FER: variants seen among roughly 807,000 people sequenced by gnomAD.
FER encodes FER tyrosine kinase, also known as tyrosine-protein kinase Fer.
A neutral mutation model predicts 111.0 loss-of-function variants in FER; 63 were observed. The ratio of observed to expected loss-of-function variants is 0.57; its 90% CI spans 0.46 to 0.70. FER has a LOEUF of 0.70. Among genes scored for constraint, FER ranks in the 30% least tolerant of loss-of-function variants. The probability of loss-of-function intolerance (pLI) is 0.00; values close to 1 mark genes in which losing one functional copy is unlikely to be tolerated. For synonymous variants in FER, 327 were observed against 313.9 expected (o/e 1.04, Z -0.44); for missense variants, 914 against 954.0 (o/e 0.96, Z 0.55).
intron 16 of FER, among the ~76,000 whole-genome samples, chr5:109,051,093 A>G (rs1189415978): frequency 6.6e-6 from 1 of 152,142 alleles, no homozygotes; most frequent in African/African-American, 2.4e-5. Flanking sequence ...TACTTTAAAT[A>G]CCAATATGCA....
intron 17 of FER, among the ~76,000 whole-genome samples, chr5:109,176,398 C>T (rs759010197): frequency 2.6e-5 from 4 of 151,958 alleles, no homozygotes; most frequent in East Asian, 1.9e-4. Flanking sequence ...ATAAATACTG[C>T]GTGTTCTCAC....
intron 4 of FER, among the ~76,000 whole-genome samples, chr5:108,834,720 T>A (rs971525817): frequency 6.7e-6 from 1 of 149,554 alleles, no homozygotes. Flanking sequence ...AAAAAAAAAG[T>A]TTGGTATCAG....
chr5:109,101,415 C>G (rs781536369), intron 17 of FER, among the ~76,000 whole-genome samples: 28 of 151,886 alleles, frequency 1.8e-4, no homozygotes, highest in Non-Finnish European at 4.0e-4. Flanking sequence ...CTTTAACACT[C>G]TAGTGAGGTT....
intron 16 of FER, among the ~76,000 whole-genome samples, chr5:109,070,125 A>T (rs1373895445): frequency 6.9e-6 from 1 of 143,888 alleles, no homozygotes; most frequent in Non-Finnish European, 1.5e-5. Context: ...TTTTAATAAT[A>T]AAGGTTGATT....
chr5:108,844,994 G>A (rs56276196), intron 5 of FER, among the ~76,000 whole-genome samples: 7,375 of 42,144 alleles, frequency 0.17, 534 homozygotes, highest in African/African-American at 0.29. Context: ...GTGTGTGTGT[G>A]TGTATATATA....
intron 17 of FER, chr5:109,177,426 A>C (rs1040295778): frequency 1.3e-5 from 2 of 152,094 alleles, no homozygotes; most frequent in Non-Finnish European, 2.9e-5. Flanking sequence ...ATGCCAAAAA[A>C]AAAAAAGCAA....
At chr5:108,767,877 C>A (rs886825148) in intron 1 of FER, among the ~76,000 whole-genome samples, 2 of 152,138 alleles carry the variant, frequency 1.3e-5, no homozygotes, top group Non-Finnish European at 2.9e-5. Flanking sequence ...GAGAAGGTAA[C>A]AATACATTAC....
intron 13 of FER, among the ~76,000 whole-genome samples, chr5:108,978,062 G>A (rs1476501716): frequency 6.6e-6 from 1 of 152,080 alleles, no homozygotes; most frequent in Non-Finnish European, 1.5e-5. Flanking sequence ...GCCCAGGCTG[G>A]TCTTGAACTC....
intron 3 of FER, among the ~76,000 whole-genome samples, chr5:108,830,351 G>A (rs1759910698): frequency 6.6e-6 from 1 of 152,118 alleles, no homozygotes; most frequent in Non-Finnish European, 1.5e-5. Flanking sequence ...CTACTTGGGA[G>A]GCTGAGGCAC....
intron 1 of FER, among the ~76,000 whole-genome samples, chr5:108,758,265 C>G (rs1334935141): frequency 6.6e-6 from 1 of 152,124 alleles, no homozygotes; most frequent in Non-Finnish European, 1.5e-5. Flanking sequence ...GGACTGTTTT[C>G]CTGAGAGGGA....
In FER at chr5:108,835,713, C is replaced by T. The variant is rs759480704; in HGVS notation, c.387C>T (p.Thr129=). The stretch of plus-strand genomic sequence containing the variant: ...GCATTTTGTTTCTTTGACAGGTTAC[C>T]AAAACAGAATTGGAGAAGTTAAAAT... ...QQIEAEMIKV[T]KTELEKLKCS... Residue 129 remains threonine, a synonymous_variant, in exon 5 of 20, where the codon ACC becomes ACT. Coordinates refer to ENST00000281092, the MANE Select transcript of FER (RefSeq NM_005246.4). The T allele has an allele frequency of 4.5e-6, 7 of 1,552,528 alleles. No homozygotes were observed. The South Asian group carries it at 4.9e-5, about 11-fold the overall frequency.
intron 13 of FER, among the ~76,000 whole-genome samples, chr5:108,972,526 A>G (rs982403939): frequency 6.6e-5 from 10 of 152,174 alleles, no homozygotes; most frequent in African/African-American, 2.2e-4. Context: ...TCTTTGAAGT[A>G]GTTATGGCAT....
intron 1 of FER, among the ~76,000 whole-genome samples, chr5:108,759,959 A>ACCTGGATATCTCATCTATC (rs1751540986): frequency 6.6e-6 from 1 of 152,210 alleles, no homozygotes; most frequent in Non-Finnish European, 1.5e-5. Flanking sequence ...CATCCATAAT[A>ACCTGGATATCTCATCTATC]CAGGTATATT....
At chr5:109,163,457 T>A (rs1463199679) in intron 17 of FER, among the ~76,000 whole-genome samples, 1 of 152,166 alleles carries the variant, frequency 6.6e-6, no homozygotes, top group Non-Finnish European at 1.5e-5. Context: ...TATAAGAAAC[T>A]ACAAAACTGT....
intron 9 of FER, among the ~76,000 whole-genome samples, chr5:108,887,102 CTT>C (rs1747291309): frequency 6.6e-6 from 1 of 151,572 alleles, no homozygotes; most frequent in Admixed American, 6.6e-5. Flanking sequence ...CTTCTCAACA[CTT>C]TGTTAGTTTC....
intron 10 of FER, among the ~76,000 whole-genome samples, chr5:108,940,792 GT>G (rs1480396066): frequency 3.9e-5 from 6 of 152,064 alleles, no homozygotes; most frequent in Non-Finnish European, 8.8e-5. Flanking sequence ...CATCAGAATG[GT>G]GGTATGTAGG....
At chr5:109,052,278 A>C in intron 16 of FER, 1 of 1,609,028 alleles carries the variant, frequency 6.2e-7, no homozygotes, top group Non-Finnish European at 8.5e-7. Flanking sequence ...CATTTTCACA[A>C]CCAGGTTGCT....
intron 17 of FER, among the ~76,000 whole-genome samples, chr5:109,150,117 G>A (rs1399552330): frequency 2.0e-5 from 3 of 152,096 alleles, no homozygotes; most frequent in East Asian, 1.9e-4. Flanking sequence ...TGCCTTCCAC[G>A]AAACCTGTCC....
In FER at chr5:109,195,726, A is replaced by G. The variant is rs1333793659; in HGVS notation, c.*8151A>G. On this transcript the variant is annotated 3_prime_UTR_variant, in exon 20 of 20. Transcript: ENST00000281092. ...CATGATCAGACTGTCAATGTGGACC[A>G]GTGGCCAGGAGCATATTTATGGGCC... 1 of 152,228 alleles carries G rather than the reference A, an allele frequency of 6.6e-6. No individual in the cohort carries two copies. The highest frequency in any genetic ancestry group is 1.5e-5 in the Non-Finnish European group (1 of 68,042). The allele number at this position is 152,228 out of a possible 1,614,324, so 9.4% of individuals were successfully genotyped here.
Sources: allele counts gnomAD v4.1 joint callset (sites outside exome capture counted in the v4.1 genomes callset), GRCh38; gene constraint gnomAD v4.1.1; transcripts MANE v1.5; gene names NCBI Gene and HGNC (gene_info 2026-07-23, HGNC 2026-07-21).